WWOX: variants seen among roughly 807,000 people sequenced by gnomAD.
WWOX encodes the protein WW domain containing oxidoreductase.
A neutral mutation model predicts 46.2 loss-of-function variants in WWOX; 69 were observed. The observed-to-expected ratio is 1.49, with a 90% confidence interval of 1.23 to 1.82. The LOEUF is 1.82. Ranked by LOEUF, WWOX falls within the 40% of genes most tolerant of loss-of-function variation. The probability of loss-of-function intolerance (pLI) is 0.00; values close to 1 mark genes in which losing one functional copy is unlikely to be tolerated. For missense variants in WWOX, 919 were observed against 542.6 expected, an observed-to-expected ratio of 1.69 and a Z score of -6.89; for synonymous variants, 359 against 202.6, an observed-to-expected ratio of 1.77 and a Z score of -6.56.
At chr16:79,103,821 G>A (rs1208377543) in intron 8 of WWOX, among the ~76,000 whole-genome samples, 2 of 152,026 alleles carry the variant, frequency 1.3e-5, no homozygotes, top group African/African-American at 4.8e-5. Flanking sequence ...TCAAGCAAAG[G>A]CATCTTATGC....
intron 8 of WWOX, among the ~76,000 whole-genome samples, chr16:78,581,968 TATGTC>T (rs2045067424): frequency 6.6e-6 from 1 of 152,174 alleles, no homozygotes; most frequent in Admixed American, 6.5e-5. Context: ...AATTGACAAA[TATGTC>T]AGGTATAACT....
At chr16:78,441,146 T>C (rs1254689932) in intron 8 of WWOX, among the ~76,000 whole-genome samples, 2 of 152,074 alleles carry the variant, frequency 1.3e-5, no homozygotes, top group East Asian at 3.9e-4. Flanking sequence ...TTTCAACATG[T>C]TGGCCAAGCT....
At chr16:78,957,129 G>A (rs1038449167) in intron 8 of WWOX, among the ~76,000 whole-genome samples, 41 of 152,138 alleles carry the variant, frequency 2.7e-4, no homozygotes, top group African/African-American at 9.7e-4. Flanking sequence ...ATATGCAGAA[G>A]GTTGAAAACA....
At chr16:78,601,084 T>G (rs2151616924) in intron 8 of WWOX, among the ~76,000 whole-genome samples, 1 of 152,314 alleles carries the variant, frequency 6.6e-6, no homozygotes, top group African/African-American at 2.4e-5. Flanking sequence ...ATTTTATGTG[T>G]CAGGCCTTCA....
chr16:78,825,748 C>A lies in WWOX; in HGVS notation c.1057-385860C>A, dbSNP rs367607440. 26 of 586,752 alleles carry A rather than the reference C, an allele frequency of 4.4e-5. No individual in the cohort carries two copies. In the East Asian group the frequency reaches 6.7e-4, roughly 15 times the overall value. 36.3% of individuals were successfully genotyped at this position (586,752 alleles called of 1,614,324 possible). A position where few individuals can be genotyped will look rare whatever the true frequency, so the allele number is the denominator to read the frequency against. ...ATGAGTTTGTGGATGGCCTGATGAT[C>A]CCCAGCGGAGACCATGTTAACTAGT... is the stretch of plus-strand genomic sequence containing the variant. On this transcript the variant is annotated intron_variant, in intron 8 of 8. Transcript: ENST00000566780.
intron 8 of WWOX, among the ~76,000 whole-genome samples, chr16:78,505,376 C>T (rs1182081179): frequency 6.6e-6 from 1 of 152,152 alleles, no homozygotes; most frequent in Non-Finnish European, 1.5e-5. Flanking sequence ...AAGTTCGGGT[C>T]CACCAGGCCC....
At chr16:78,129,201 C>G (rs974461343) in intron 4 of WWOX, among the ~76,000 whole-genome samples, 4 of 152,098 alleles carry the variant, frequency 2.6e-5, no homozygotes, top group Non-Finnish European at 5.9e-5. Flanking sequence ...CTGGCCTGAT[C>G]CGGGAGGGAT....
intron 8 of WWOX, among the ~76,000 whole-genome samples, chr16:78,733,817 G>A (rs1296036699): frequency 1.3e-5 from 2 of 152,028 alleles, no homozygotes; most frequent in Non-Finnish European, 2.9e-5. Context: ...TGCCATCCCA[G>A]CACTTTGGGA....
intron 7 of WWOX, among the ~76,000 whole-genome samples, chr16:78,428,525 C>G (rs904928488): frequency 6.6e-6 from 1 of 152,202 alleles, no homozygotes; most frequent in Admixed American, 6.5e-5. Flanking sequence ...TGGTACTTCT[C>G]CATCTTGAAA....
At position 78,216,792 on chromosome 16, in the gene WWOX, C is replaced by T. The variant is rs569563072; in HGVS notation, c.516+52503C>T. Among the ~76,000 whole-genome samples, 20 of 152,158 alleles carry T rather than the reference C, an allele frequency of 1.3e-4. No homozygotes were observed. In the South Asian group the frequency reaches 2.7e-3, roughly 21 times the overall value. On this transcript the variant is annotated intron_variant, in intron 5 of 8. Coordinates refer to ENST00000566780, the MANE Select transcript of WWOX (RefSeq NM_016373.4). ...TGTTGCCCAGACTGGAGTGCAGTGG[C>T]TTGATCTTGGCTCACTGCAACTTCC... is the stretch of plus-strand genomic sequence containing the variant.
Position 78,986,226 on chromosome 16 carries a change from G to T in WWOX, c.1057-225382G>T, listed in dbSNP as rs569742156. Among the ~76,000 whole-genome samples the T allele has an allele frequency of 2.2e-3, 333 of 152,242 alleles. 2 individuals are homozygous for T. Among genetic ancestry groups the T allele is most frequent in the Admixed American group, 2.2e-3 (34 of 15,298 alleles). On this transcript the variant is annotated intron_variant, in intron 8 of 8. Transcript: ENST00000566780. The stretch of plus-strand genomic sequence containing the variant: ...GCAGCGCGCTTGCAATTTTCCACTG[G>T]GGATGATAGAAAAACTTATTGAAAA...
intron 4 of WWOX, among the ~76,000 whole-genome samples, chr16:78,152,955 G>T (rs2034468297): frequency 6.6e-6 from 1 of 152,128 alleles, no homozygotes; most frequent in South Asian, 2.1e-4. Flanking sequence ...GGCTATTTAG[G>T]AAGCTCTGTA....
In WWOX at chr16:78,378,456, G is replaced by A. The variant is rs555082448; in HGVS notation, c.517-8404G>A. 1.5e-4 allele frequency among the ~76,000 whole-genome samples: 23 copies of A among 152,292 alleles called. No individual in the cohort carries two copies. The East Asian group carries it at 1.7e-3, about 12-fold the overall frequency. On this transcript the variant is annotated intron_variant, in intron 5 of 8. Transcript: ENST00000566780. ...ACTGTGTCCCCATGCATTTTCCAGT[G>A]AAGATGCGATCACCCATTGCCACCG... is the stretch of plus-strand genomic sequence containing the variant.
At chr16:78,727,134 C>T (rs1047205593) in intron 8 of WWOX, among the ~76,000 whole-genome samples, 2 of 152,298 alleles carry the variant, frequency 1.3e-5, no homozygotes, top group South Asian at 4.1e-4. Context: ...CACAGTGGCT[C>T]ACACCTATAA....
At chr16:78,749,160 C>G (rs1234546849) in intron 8 of WWOX, among the ~76,000 whole-genome samples, 5 of 152,130 alleles carry the variant, frequency 3.3e-5, no homozygotes, top group Non-Finnish European at 5.9e-5. Flanking sequence ...CATGGGTACG[C>G]AGATAAAACA....
At chr16:79,147,740 A>G (rs2050207354) in intron 8 of WWOX, among the ~76,000 whole-genome samples, 1 of 152,188 alleles carries the variant, frequency 6.6e-6, no homozygotes, top group Admixed American at 6.5e-5. Flanking sequence ...CTTCACCAGC[A>G]TTTGGTGGTG....
At chr16:78,123,118 T>C (rs1353433498) in intron 4 of WWOX, 1 of 152,186 alleles carries the variant, frequency 6.6e-6, no homozygotes, top group Non-Finnish European at 1.5e-5. Flanking sequence ...TAATTCTCTG[T>C]GATGAAGTTC....
intron 8 of WWOX, among the ~76,000 whole-genome samples, chr16:79,104,981 C>G (rs1467847155): frequency 2.0e-5 from 3 of 152,256 alleles, no homozygotes; most frequent in South Asian, 4.1e-4. Flanking sequence ...TCCGCCACCC[C>G]AATTTCCTCA....
chr16:79,165,948 A>G (rs547403029), intron 8 of WWOX, among the ~76,000 whole-genome samples: 1 of 152,264 alleles, frequency 6.6e-6, no homozygotes, highest in African/African-American at 2.4e-5. Context: ...ACATTTTCAT[A>G]ATGTTTTCTG....
Sources: allele counts gnomAD v4.1 joint callset (sites outside exome capture counted in the v4.1 genomes callset), GRCh38; gene constraint gnomAD v4.1.1; transcripts MANE v1.5; gene names NCBI Gene and HGNC (gene_info 2026-07-23, HGNC 2026-07-21).